UBAP2: variants seen among roughly 807,000 people sequenced by gnomAD.
UBAP2 encodes the protein ubiquitin-associated protein 2.
UBAP2 carries 75 observed loss-of-function variants against 139.6 expected under a neutral mutation model. The ratio of observed to expected loss-of-function variants is 0.54; its 90% CI spans 0.45 to 0.65. The LOEUF is 0.65. UBAP2 is among the 30% of genes least tolerant of loss of function. UBAP2 has a pLI of 0.00. For missense variants in UBAP2, 1,368 were observed against 1,369.6 expected (o/e 1.00, Z 0.02); for synonymous variants, 526 against 526.2 (o/e 1.00, Z 0.01).
At chr9:33,968,634 A>AT (rs1208750402) in intron 8 of UBAP2, 2 of 271,464 alleles carry the variant, frequency 7.4e-6, no homozygotes, top group African/African-American at 4.4e-5. Context: ...AATCATACGG[A>AT]TTTTTCTCCT....
chr9:33,925,305 C>T (rs1564014214), intron 22 of UBAP2, among the ~76,000 whole-genome samples: 1 of 152,174 alleles, frequency 6.6e-6, no homozygotes, highest in African/African-American at 2.4e-5. Context: ...ACACACAGAG[C>T]TGCACAACTG....
At chr9:34,043,485 A>T (rs1355716825) in intron 1 of UBAP2, among the ~76,000 whole-genome samples, 1 of 152,114 alleles carries the variant, frequency 6.6e-6, no homozygotes, top group Non-Finnish European at 1.5e-5. Context: ...ATTTTTCAAT[A>T]AAAATCAGCA....
rs76936284 is a variant in UBAP2, at chr9:33,940,801, C to T, written c.1929+848G>A. Among the ~76,000 whole-genome samples, 1,199 of 152,274 alleles carry T rather than the reference C, an allele frequency of 7.9e-3. 12 individuals carry two copies. Among genetic ancestry groups the T allele is most frequent in the African/African-American group, 0.026 (1,096 of 41,550 alleles). On this transcript the variant is annotated intron_variant, in intron 16 of 28. Coordinates refer to ENST00000379238, the MANE Select transcript of UBAP2 (RefSeq NM_001370062.2). Reference sequence around the variant, plus strand: ...ACTCCCCCAAAAAACAAACAATCCACAGAATTGCTCACACTGAATGCTCAC... The same window carrying T: ...ACTCCCCCAAAAAACAAACAATCCATAGAATTGCTCACACTGAATGCTCAC...
intron 1 of UBAP2, among the ~76,000 whole-genome samples, chr9:34,020,371 A>G (rs1266271707): frequency 6.6e-6 from 1 of 151,404 alleles, no homozygotes; most frequent in African/African-American, 2.4e-5. Flanking sequence ...CCCAGGCTGG[A>G]GTGCAACGAA....
At chr9:33,991,153 G>A (rs1821676738) in intron 4 of UBAP2, among the ~76,000 whole-genome samples, 1 of 152,088 alleles carries the variant, frequency 6.6e-6, no homozygotes, top group South Asian at 2.1e-4. Flanking sequence ...GAGAGTGGTG[G>A]CAGGCACCTG....
chr9:33,938,851 CT>C (rs758630357), intron 16 of UBAP2: 1 of 422,122 alleles, frequency 2.4e-6, no homozygotes, highest in South Asian at 1.7e-5. Flanking sequence ...CATGGTTTTT[CT>C]TGTTTCAGTG....
At chr9:33,963,902 G>C in intron 8 of UBAP2, 111 bp from the exon 9 acceptor site, 1 of 753,262 alleles carries the variant, frequency 1.3e-6, no homozygotes, top group Non-Finnish European at 2.3e-6. Flanking sequence ...TACTGCCCAA[G>C]GATAGTGAAA....
chr9:33,972,989 C>A (rs1828023186), intron 7 of UBAP2, among the ~76,000 whole-genome samples, 194 bp downstream of exon 7: 1 of 152,142 alleles, frequency 6.6e-6, no homozygotes, highest in Non-Finnish European at 1.5e-5. Flanking sequence ...AATGCCAAGG[C>A]TAGAAACCCT....
At chr9:33,962,645 A>AAAATAAATAAATAAATAAATAAAT (rs57313855) in intron 9 of UBAP2, among the ~76,000 whole-genome samples, 2 of 139,216 alleles carry the variant, frequency 1.4e-5, no homozygotes, top group African/African-American at 5.4e-5. Context: ...CTCTATCTCA[A>AAAATAAATAAATAAATAAATAAAT]AAATAAATAA....
chr9:34,038,103 C>A lies in UBAP2; in HGVS notation c.-42+10722G>T, dbSNP rs139662606. On this transcript the variant is annotated intron_variant, in intron 1 of 28. Coordinates refer to ENST00000379238, the MANE Select transcript of UBAP2 (RefSeq NM_001370062.2). ...TCATCTGAGCACGGGGAGTTCAAGG[C>A]TGCAATGAGCTAGGATTGCACCACT... Among the ~76,000 whole-genome samples, 397 of 140,430 alleles carry A rather than the reference C, an allele frequency of 2.8e-3. 1 individual carries two copies. The highest frequency in any genetic ancestry group is 5.1e-3 in the Non-Finnish European group (336 of 66,480). 92.1% of individuals were successfully genotyped at this position (140,430 alleles called of 152,430 possible). A position where few individuals can be genotyped will look rare whatever the true frequency, so the allele number is the denominator to read the frequency against.
chr9:33,935,889 A>G lies in UBAP2; in HGVS notation c.1930-11T>C. ...ACCACCATGTCCATTCTATAAGGAA[A>G]AGAAGAGAAGAGAATATAAACTTAC... On this transcript the variant is annotated splice_polypyrimidine_tract_variant and intron_variant, in intron 16 of 28. Transcript: ENST00000379238. 6.2e-7 allele frequency: 1 copy of G among 1,610,594 alleles called. No individual in the cohort carries two copies. Among genetic ancestry groups the G allele is most frequent in the Middle Eastern group, 1.7e-4 (1 of 6,050 alleles).
chr9:34,044,727 G>GTGT (rs1361712155), intron 1 of UBAP2, among the ~76,000 whole-genome samples: 3 of 151,452 alleles, frequency 2.0e-5, no homozygotes, highest in Non-Finnish European at 4.4e-5. Flanking sequence ...TTAGCCAAGT[G>GTGT]TGTTGGCAGG....
In UBAP2 at chr9:33,986,832, C is replaced by G; in HGVS notation, c.448G>C (p.Gly150Arg). The change falls in exon 6 of 29, where the codon GGT becomes CGT. Residue 150 changes from glycine (G) to arginine (R), a missense_variant. Coordinates refer to ENST00000379238, the MANE Select transcript of UBAP2 (RefSeq NM_001370062.2). ...TTGCAATCAATTCCATTTTCTTCAC[C>G]TCTAACTAGGGGGAAAAGAGCAGAA... is the stretch of plus-strand genomic sequence containing the variant. ...RGGNRGREFR[G>R]EENGIDCNQV... 1 of 1,614,010 alleles carries G rather than the reference C, an allele frequency of 6.2e-7. No individual in the cohort carries two copies. Among genetic ancestry groups the G allele is most frequent in the Non-Finnish European group, 8.5e-7 (1 of 1,179,948 alleles).
rs2130849452 is a variant in UBAP2, at chr9:33,923,967, G to A, written c.2624C>T (p.Ala875Val). ...DVTKFGRGDS[A>V]SPAPATTPAQ... Reference sequence around the variant, plus strand: ...TGGTGTGGTAGCGGGTGCAGGGGATGCAGAGTCCCCACGGCCAAACTTTGT... The same window carrying A: ...TGGTGTGGTAGCGGGTGCAGGGGATACAGAGTCCCCACGGCCAAACTTTGT... Residue 875 changes from alanine to valine, a missense_variant, in exon 24 of 29, where the codon GCA becomes GTA. By Grantham distance (64) the Ala-to-Val change is moderately conservative (BLOSUM62 0). Coordinates refer to ENST00000379238, the MANE Select transcript of UBAP2 (RefSeq NM_001370062.2). 3 of 1,614,074 alleles carry A rather than the reference G, an allele frequency of 1.9e-6. No individual in the cohort carries two copies. The highest frequency in any genetic ancestry group is 3.3e-4 in the Middle Eastern group (2 of 5,978).
At position 33,969,921 on chromosome 9, in the gene UBAP2, C is replaced by CTTTTTTTTTTTTT. The variant is rs1173625005; in HGVS notation, c.679+1717_679+1729dup. ...GCAAACTTAAATACCGTGTATAATT[C>CTTTTTTTTTTTTT]TTTTTTTTTTTTTTTTTTTTTTTTT... is the stretch of plus-strand genomic sequence containing the variant. On this transcript the variant is annotated intron_variant, in intron 8 of 28. Coordinates refer to ENST00000379238, the MANE Select transcript of UBAP2 (RefSeq NM_001370062.2). 3.9e-4 allele frequency among the ~76,000 whole-genome samples: 18 copies of CTTTTTTTTTTTTT among 46,182 alleles called. 3 individuals carry two copies. The highest frequency in any genetic ancestry group is 2.2e-3 in the East Asian group (2 of 910). 30.3% of individuals were successfully genotyped at this position (46,182 alleles called of 152,430 possible).
At chr9:33,944,766 ACACT>A in intron 13 of UBAP2, 127 bp from the exon 14 acceptor site, 1 of 1,112,234 alleles carries the variant, frequency 9.0e-7, no homozygotes, top group Non-Finnish European at 1.3e-6. Flanking sequence ...GGTTTTACAC[ACACT>A]ATGTGTAACA....
intron 3 of UBAP2, chr9:33,997,843 G>A (rs939006009): frequency 2.0e-5 from 3 of 152,146 alleles, no homozygotes; most frequent in Non-Finnish European, 1.5e-5. Context: ...AGAAATCTAT[G>A]ATTTCTTGTG....
chr9:34,035,512 A>T (rs866156085), intron 1 of UBAP2, among the ~76,000 whole-genome samples: 44 of 3,794 alleles, frequency 0.012, 3 homozygotes, highest in African/African-American at 0.018. Context: ...AAAAAAAAAA[A>T]AAATATATAT....
intron 8 of UBAP2, among the ~76,000 whole-genome samples, chr9:33,966,766 AAAG>A (rs1307029389): frequency 6.6e-6 from 1 of 152,200 alleles, no homozygotes; most frequent in African/African-American, 2.4e-5. Flanking sequence ...CACTGCTAGT[AAAG>A]AAGTACCATA....
Sources: allele counts gnomAD v4.1 joint callset (sites outside exome capture counted in the v4.1 genomes callset), GRCh38; gene constraint gnomAD v4.1.1; transcripts MANE v1.5; gene names NCBI Gene and HGNC (gene_info 2026-07-23, HGNC 2026-07-21).